Variants in FGF17 observed in about 807,000 individuals in gnomAD.
FGF17 encodes the protein fibroblast growth factor 17.
FGF17 carries 5 observed loss-of-function variants against 23.5 expected under a neutral mutation model. The observed-to-expected ratio is 0.21, with a 90% CI of 0.11 to 0.45. The LOEUF is 0.45. Among genes scored for constraint, FGF17 ranks in the 20% least tolerant of loss-of-function variants. The probability of loss-of-function intolerance (pLI) is 0.99; values close to 1 mark genes in which losing one functional copy is unlikely to be tolerated. For synonymous variants in FGF17, 136 were observed against 123.0 expected (o/e 1.11, Z -0.70); for missense variants, 221 against 306.9 (o/e 0.72, Z 2.09).
At chr8:22,044,963 A>C in intron 2 of FGF17, 2 of 985,824 alleles carry the variant, frequency 2.0e-6, no homozygotes, top group Non-Finnish European at 2.4e-6. Context: ...GGGGCTGAGA[A>C]AAGCTGTCCC....
rs752544507 is a variant in FGF17 at position 22,045,935 on chromosome 8, G to A, written c.73-179G>A. 16 of 1,510,352 alleles carry A rather than the reference G, an allele frequency of 1.1e-5. No homozygotes were observed. The South Asian group carries it at 1.8e-4, about 17-fold the overall frequency. 93.6% of individuals were successfully genotyped at this position (1,510,352 alleles called of 1,614,324 possible). A position where few individuals can be genotyped will look rare whatever the true frequency, so the allele number is the denominator to read the frequency against. Reference sequence around the variant, plus strand: ...TTCTGTAAGGTAGACGCAAAGCAAAGAGGTTATGACCGGCTCACCCAGGGG... The same window carrying A: ...TTCTGTAAGGTAGACGCAAAGCAAAAAGGTTATGACCGGCTCACCCAGGGG... On this transcript the variant is annotated intron_variant, in intron 2 of 4. Coordinates refer to ENST00000359441, the MANE Select transcript of FGF17 (RefSeq NM_003867.4).
chr8:22,046,294 G>A lies in FGF17; in HGVS notation c.250+3G>A, dbSNP rs1278203459. The A allele has an allele frequency of 2.5e-6, 4 of 1,612,748 alleles. No homozygotes were observed. The highest frequency in any genetic ancestry group is 2.5e-6 in the Non-Finnish European group (3 of 1,179,354). On this transcript the variant is annotated splice_donor_region_variant and intron_variant, in intron 3 of 4. Transcript: ENST00000359441. The stretch of plus-strand genomic sequence containing the variant: ...CGCCGAGGACGGCAACAAGTTTGGT[G>A]AGAGTTGGCCCTCCCCCCAGGGCAC...
At position 22,047,979 on chromosome 8, in the gene FGF17, C is replaced by T. The variant is rs1354541414; in HGVS notation, c.381C>T (p.Cys127=). ...AGCCCAGCGGGAAGAGCAAAGACTG[C>T]GTGTTCACGGAGATCGTGCTGGAGA... is the stretch of plus-strand genomic sequence containing the variant. ...IGKPSGKSKD[C]VFTEIVLENN... The change falls in exon 5 of 5, where the codon TGC becomes TGT. Residue 127 remains cysteine, a synonymous_variant. Coordinates refer to ENST00000359441, the MANE Select transcript of FGF17 (RefSeq NM_003867.4). 1.1e-5 allele frequency: 17 copies of T among 1,604,490 alleles called. No individual in the cohort carries two copies. Among genetic ancestry groups the T allele is most frequent in the African/African-American group, 2.7e-5 (2 of 74,730 alleles).
Position 22,048,445 on chromosome 8 carries a change from C to T in FGF17, c.*196C>T, listed in dbSNP as rs1170217307. ...GGCGGCTGGCACAGTGCCCCCTTCCCGGACGGGTGGCAGGCCCTGGAGAGG... is the reference window on the plus strand; with the variant it reads ...GGCGGCTGGCACAGTGCCCCCTTCCTGGACGGGTGGCAGGCCCTGGAGAGG... On this transcript the variant is annotated 3_prime_UTR_variant, in exon 5 of 5. Transcript: ENST00000359441. The surrounding 1 kb of genome is among the most constrained non-coding windows in gnomAD (Gnocchi z 6.9). 1.0e-5 allele frequency: 6 copies of T among 600,660 alleles called. No individual in the cohort carries two copies. Among genetic ancestry groups the T allele is most frequent in the African/African-American group, 5.6e-5 (3 of 53,820 alleles). The allele number at this position is 600,660 out of a possible 1,614,324, so 37.2% of individuals were successfully genotyped here. A position where few individuals can be genotyped will look rare whatever the true frequency, so the allele number is the denominator to read the frequency against.
intron 2 of FGF17, among the ~76,000 whole-genome samples, chr8:22,044,237 C>T (rs1800806146): frequency 6.6e-6 from 1 of 152,092 alleles, no homozygotes. Flanking sequence ...GGGAAGGTGG[C>T]AAAGCGGTCC....
chr8:22,040,013 TC>T, upstream of FGF17, among the ~76,000 whole-genome samples: 1 of 152,050 alleles, frequency 6.6e-6, no homozygotes, highest in Non-Finnish European at 1.5e-5. Context: ...ACTTCTCAGT[TC>T]CCTTATCACC....
intron 2 of FGF17, chr8:22,044,830 G>A (rs1239941233): frequency 1.0e-6 from 1 of 985,562 alleles, no homozygotes; most frequent in East Asian, 1.1e-4. Flanking sequence ...CTGCCTCAAA[G>A]GTGATATTTC....
Position 22,048,023 on chromosome 8 carries a change from A to G in FGF17, c.425A>G (p.Gln142Arg). The part of the protein sequence containing the change: ...IVLENNYTAF[Q>R]NARHEGWFMA... Reference sequence around the variant, plus strand: ...CTGGAGAACAACTATACGGCCTTCCAGAACGCCCGGCACGAGGGCTGGTTC... The same window carrying G: ...CTGGAGAACAACTATACGGCCTTCCGGAACGCCCGGCACGAGGGCTGGTTC... The change falls in exon 5 of 5, where the codon CAG becomes CGG. Residue 142 changes from glutamine to arginine, a missense_variant. This residue lies in a region of FGF17 where 128 missense variants were observed against 150.4 expected (regional missense o/e 0.85). Transcript: ENST00000359441. This position sits in a 1 kb window ranked among gnomAD's most constrained non-coding sequence, Gnocchi z 6.9. 6.2e-7 allele frequency: 1 copy of G among 1,613,228 alleles called. No homozygotes were observed. The highest frequency in any genetic ancestry group is 8.5e-7 in the Non-Finnish European group (1 of 1,179,514).
chr8:22,045,273 T>C, intron 2 of FGF17: 1 of 985,836 alleles, frequency 1.0e-6, no homozygotes, highest in Non-Finnish European at 1.2e-6. Flanking sequence ...GGAGCCTCTG[T>C]TACATTGTGG....
At chr8:22,046,684 G>A (rs1800876540) in intron 4 of FGF17, 51 bp downstream of exon 4, 1 of 1,251,024 alleles carries the variant, frequency 8.0e-7, no homozygotes, top group African/African-American at 1.5e-5. Context: ...ACTGGGGTGG[G>A]GACATATAGG....
chr8:22,046,378 C>A, intron 3 of FGF17, 87 bp downstream of exon 3: 2 of 1,526,464 alleles, frequency 1.3e-6, no homozygotes, highest in Non-Finnish European at 8.9e-7. Flanking sequence ...ATCCCCAGAT[C>A]CTGTGTCAGG....
At chr8:22,044,435 TG>T (rs979959925) in intron 2 of FGF17, 11 of 70,228 alleles carry the variant, frequency 1.6e-4, no homozygotes, top group Non-Finnish European at 2.7e-4. Context: ...TTGTGGGCTG[TG>T]GGGGGGCGTG....
chr8:22,046,654 A>G, intron 4 of FGF17, 21 bp downstream of exon 4: 2 of 1,548,992 alleles, frequency 1.3e-6, no homozygotes, highest in Non-Finnish European at 1.8e-6. Context: ...GAGACTGGGA[A>G]GTAACAGAGA....
intron 2 of FGF17, chr8:22,045,025 T>C (rs566619657): frequency 2.0e-6 from 2 of 985,488 alleles, no homozygotes; most frequent in South Asian, 9.4e-5. Context: ...AAAGGTACAT[T>C]CTCATGCTAG....
At position 22,044,580 on chromosome 8, in the gene FGF17, G is replaced by A. The variant is rs1356661224; in HGVS notation, c.72+1399G>A. 6.3e-6 allele frequency: 4 copies of A among 636,342 alleles called. No individual in the cohort carries two copies. In the Admixed American group the frequency reaches 1.9e-4, roughly 30 times the overall value. The allele number at this position is 636,342 out of a possible 1,614,324, so 39.4% of individuals were successfully genotyped here. On this transcript the variant is annotated intron_variant, in intron 2 of 4. Transcript: ENST00000359441. Reference sequence around the variant, plus strand: ...AGAGGGGCGGAGGGCCTGAACCTGGGCCAGGAGGCGGGGCTGGGATAGGCA... The same window carrying A: ...AGAGGGGCGGAGGGCCTGAACCTGGACCAGGAGGCGGGGCTGGGATAGGCA...
Position 22,048,036 on chromosome 8 carries a change from C to A in FGF17, c.438C>A (p.His146Gln). 6.2e-7 allele frequency: 1 copy of A among 1,613,162 alleles called. No individual in the cohort carries two copies. ...NNYTAFQNARHEGWFMAFTRQ... is the reference protein window; with the variant it reads ...NNYTAFQNARQEGWFMAFTRQ... ...ATACGGCCTTCCAGAACGCCCGGCA[C>A]GAGGGCTGGTTCATGGCCTTCACGC... is the stretch of plus-strand genomic sequence containing the variant. The change falls in exon 5 of 5, where the codon CAC becomes CAA. Residue 146 changes from histidine (H) to glutamine (Q), a missense_variant. His to Gln is a conservative substitution (Grantham distance 24). Around this residue, in one of 3 missense-constraint regions of FGF17, gnomAD observed 128 missense variants for 150.4 expected, o/e 0.85. Transcript: ENST00000359441. This position sits in a 1 kb window ranked among gnomAD's most constrained non-coding sequence, Gnocchi z 6.9.
intron 4 of FGF17, 144 bp from the exon 5 acceptor site, chr8:22,047,812 C>G: frequency 1.4e-6 from 1 of 721,946 alleles, no homozygotes; most frequent in Non-Finnish European, 2.3e-6. Flanking sequence ...AAATAGGATG[C>G]CATCTCACCA....
At chr8:22,041,325 A>T (rs1252405342), upstream of FGF17, among the ~76,000 whole-genome samples, 1 of 152,124 alleles carries the variant, frequency 6.6e-6, no homozygotes, top group Non-Finnish European at 1.5e-5. Flanking sequence ...TTGTGGATTG[A>T]TGGAGCTCAG....
chr8:22,045,163 G>A (rs773426861), intron 2 of FGF17: 179 of 985,342 alleles, frequency 1.8e-4, no homozygotes, highest in South Asian at 5.2e-4. Context: ...GCTGGGAGGC[G>A]GTACTCCTCC....
Sources: allele counts gnomAD v4.1 joint callset (sites outside exome capture counted in the v4.1 genomes callset), GRCh38; gene constraint gnomAD v4.1.1; regional missense constraint gnomAD v4.1.1; non-coding constraint Gnocchi (gnomAD v3.1); transcripts MANE v1.5; gene names NCBI Gene and HGNC (gene_info 2026-07-23, HGNC 2026-07-21).